ARNT2: variants seen among roughly 807,000 people sequenced by gnomAD.
The protein encoded by ARNT2 is ARNT protein 2.
Under a neutral mutation model 91.7 loss-of-function variants are expected in ARNT2, and 36 were observed. The ratio of observed to expected loss-of-function variants is 0.39; its 90% CI spans 0.30 to 0.52. ARNT2 has a LOEUF of 0.52. ARNT2 is among the 20% of genes least tolerant of loss of function. ARNT2 has a pLI of 0.72. For synonymous variants in ARNT2, 365 were observed against 347.1 expected, an observed-to-expected ratio of 1.05 and a Z score of -0.57; for missense variants, 775 against 939.3, an observed-to-expected ratio of 0.83 and a Z score of 2.29.
intron 6 of ARNT2, among the ~76,000 whole-genome samples, chr15:80,508,564 A>G (rs899125876): frequency 2.0e-5 from 3 of 151,630 alleles, no homozygotes; most frequent in East Asian, 1.9e-4. Context: ...CTCCAATCCA[A>G]CCTCTCCAAG....
At chr15:80,592,639 C>T (rs1893300957) in intron 18 of ARNT2, among the ~76,000 whole-genome samples, 1 of 152,256 alleles carries the variant, frequency 6.6e-6, no homozygotes, top group Non-Finnish European at 1.5e-5. Context: ...ACTCAGATGT[C>T]ACTCAGGGCA....
At chr15:80,545,884 C>T (rs72732072) in intron 8 of ARNT2, among the ~76,000 whole-genome samples, 2 of 152,156 alleles carry the variant, frequency 1.3e-5, no homozygotes, top group African/African-American at 4.8e-5. Flanking sequence ...TGAACCATCC[C>T]TTCACCCCGG....
intron 5 of ARNT2, 111 bp from the exon 6 acceptor site, chr15:80,508,045 C>G: frequency 1.0e-6 from 1 of 970,220 alleles, no homozygotes; most frequent in South Asian, 1.5e-5. Flanking sequence ...TTTGCACAGC[C>G]ACACTTGTCC....
intron 8 of ARNT2, among the ~76,000 whole-genome samples, chr15:80,534,950 A>G (rs1897796712): frequency 6.6e-6 from 1 of 152,178 alleles, no homozygotes; most frequent in Non-Finnish European, 1.5e-5. Flanking sequence ...TACAGGAGAG[A>G]CAAGATTTAG....
At chr15:80,551,792 G>A (rs1898085423) in intron 9 of ARNT2, among the ~76,000 whole-genome samples, 1 of 151,914 alleles carries the variant, frequency 6.6e-6, no homozygotes. Context: ...CATCTTTCAA[G>A]ACCCAACTAA....
chr15:80,466,245 C>T (rs370335343), intron 3 of ARNT2, among the ~76,000 whole-genome samples: 1 of 152,204 alleles, frequency 6.6e-6, no homozygotes, highest in Non-Finnish European at 1.5e-5. Context: ...TTAGGAGGTC[C>T]CCATCAGGAA....
At chr15:80,580,735 C>A (rs924024239) in intron 16 of ARNT2, among the ~76,000 whole-genome samples, 186 bp downstream of exon 16, 2 of 152,202 alleles carry the variant, frequency 1.3e-5, no homozygotes, top group African/African-American at 2.4e-5. Context: ...AGGTGCCCAG[C>A]CTGCAACTTC....
intron 8 of ARNT2, among the ~76,000 whole-genome samples, chr15:80,542,736 T>G (rs778724606): frequency 1.3e-5 from 2 of 152,160 alleles, no homozygotes; most frequent in Non-Finnish European, 2.9e-5. Flanking sequence ...TTTTAGCCAG[T>G]CAGACCCTAT....
At chr15:80,411,844 A>G (rs1895684561) in intron 1 of ARNT2, among the ~76,000 whole-genome samples, 1 of 152,204 alleles carries the variant, frequency 6.6e-6, no homozygotes, top group Non-Finnish European at 1.5e-5. Flanking sequence ...GGTAGGTGAT[A>G]GCTTGGAGAC....
At chr15:80,449,961 T>C (rs1896362261) in intron 1 of ARNT2, among the ~76,000 whole-genome samples, 1 of 152,184 alleles carries the variant, frequency 6.6e-6, no homozygotes, top group Admixed American at 6.5e-5. Flanking sequence ...ACTGTGGAAG[T>C]CGTTCCCAAC....
chr15:80,527,533 G>A (rs1413112233), intron 8 of ARNT2, among the ~76,000 whole-genome samples: 2 of 152,220 alleles, frequency 1.3e-5, no homozygotes, highest in Non-Finnish European at 2.9e-5. Context: ...GTGTGGACAA[G>A]GACAAGGGAG....
At chr15:80,429,783 G>C (rs1895983523) in intron 1 of ARNT2, among the ~76,000 whole-genome samples, 1 of 152,106 alleles carries the variant, frequency 6.6e-6, no homozygotes, top group African/African-American at 2.4e-5. Flanking sequence ...GATGCAGTTG[G>C]TGTCTGGAGA....
chr15:80,560,494 C>G (rs537484179), intron 11 of ARNT2, among the ~76,000 whole-genome samples: 48 of 152,284 alleles, frequency 3.2e-4, no homozygotes, highest in Admixed American at 2.7e-3. Flanking sequence ...TTCCACAGCT[C>G]CTAAGGCTGA....
At chr15:80,530,804 C>G (rs1257962085) in intron 8 of ARNT2, among the ~76,000 whole-genome samples, 2 of 152,040 alleles carry the variant, frequency 1.3e-5, no homozygotes, top group Non-Finnish European at 2.9e-5. Context: ...ATAAGTACTC[C>G]CCAAAATATC....
chr15:80,452,546 T>C (rs936789537), intron 2 of ARNT2, among the ~76,000 whole-genome samples: 10 of 152,244 alleles, frequency 6.6e-5, no homozygotes, highest in African/African-American at 1.7e-4. Flanking sequence ...TTTTTACAAT[T>C]CCAGGCCTTT....
intron 1 of ARNT2, among the ~76,000 whole-genome samples, chr15:80,426,290 A>G (rs1469072997): frequency 1.3e-5 from 2 of 152,244 alleles, no homozygotes; most frequent in Non-Finnish European, 2.9e-5. Flanking sequence ...AAAGTAGAAG[A>G]TTCTTGAGAT....
At chr15:80,415,888 G>A (rs1473149080) in intron 1 of ARNT2, among the ~76,000 whole-genome samples, 4 of 152,106 alleles carry the variant, frequency 2.6e-5, no homozygotes, top group African/African-American at 9.7e-5. Context: ...GTTTGGTTGA[G>A]TTTAAGGCAC....
chr15:80,406,418 G>A (rs546806657), intron 1 of ARNT2, among the ~76,000 whole-genome samples: 8 of 152,220 alleles, frequency 5.3e-5, no homozygotes, highest in Non-Finnish European at 7.3e-5. Context: ...AAAATTGATA[G>A]ATGTAAATGT....
At chr15:80,531,046 T>C (rs1897731182) in intron 8 of ARNT2, among the ~76,000 whole-genome samples, 2 of 152,238 alleles carry the variant, frequency 1.3e-5, no homozygotes, top group African/African-American at 4.8e-5. Flanking sequence ...AACTTACTAA[T>C]ATTCCTCTGA....
Sources: gnomAD v4.1 joint callset for allele counts (sites outside exome capture counted in the v4.1 genomes callset) on GRCh38, gnomAD v4.1.1 for gene constraint, MANE v1.5 for transcripts, NCBI Gene and HGNC (gene_info 2026-07-23, HGNC 2026-07-21) for gene names.